The following NAV2 variants were observed in gnomAD, a reference collection of about 807,000 sequenced individuals.
The protein encoded by NAV2 is neuron navigator 2.
NAV2 carries 54 observed loss-of-function variants against 223.2 expected under a neutral mutation model. That is an observed-to-expected ratio of 0.24 (90% CI 0.19 to 0.30). The LOEUF (loss-of-function observed/expected upper bound fraction) is 0.30. Ranked by LOEUF, NAV2 falls within the 10% of genes least tolerant of loss-of-function variation. The pLI is 1.00. For missense variants in NAV2, 2,806 were observed against 3,147.5 expected (o/e 0.89, Z 2.60); for synonymous variants, 1,279 against 1,239.3 (o/e 1.03, Z -0.67).
intron 33 of NAV2, 92 bp from the exon 34 acceptor site, chr11:20,103,561 C>T (rs2061797282): frequency 2.0e-6 from 3 of 1,513,620 alleles, no homozygotes; most frequent in South Asian, 2.3e-5. Context: ...TGTCCACTGG[C>T]CTGGAAGCAC....
chr11:20,106,778 G>T (rs1288145919), intron 35 of NAV2, among the ~76,000 whole-genome samples: 1 of 151,154 alleles, frequency 6.6e-6, no homozygotes, highest in African/African-American at 2.4e-5. Flanking sequence ...AAGTAGCTGG[G>T]ATTACAGGTG....
intron 11 of NAV2, among the ~76,000 whole-genome samples, chr11:19,996,781 C>A (rs1168060739): frequency 6.6e-6 from 1 of 152,190 alleles, no homozygotes; most frequent in Non-Finnish European, 1.5e-5. Flanking sequence ...TTTGATTTAT[C>A]TTCCTCATTA....
At chr11:19,361,467 T>C (rs1044328919) in intron 1 of NAV2, among the ~76,000 whole-genome samples, 2 of 151,994 alleles carry the variant, frequency 1.3e-5, no homozygotes, top group African/African-American at 4.8e-5. Flanking sequence ...CTATCTAGCC[T>C]TTTGTGGGCA....
intron 1 of NAV2, among the ~76,000 whole-genome samples, chr11:19,776,599 TGTGTGTGTGG>T (rs1381402361): frequency 3.5e-5 from 5 of 142,322 alleles, no homozygotes; most frequent in Non-Finnish European, 7.8e-5. Flanking sequence ...TGTGTGTGTG[TGTGTGTGTGG>T]TTAGAGTTGT....
chr11:19,650,119 T>A (rs1487695509), intron 1 of NAV2, among the ~76,000 whole-genome samples: 1 of 152,254 alleles, frequency 6.6e-6, no homozygotes, highest in African/African-American at 2.4e-5. Flanking sequence ...CTGGCACCTG[T>A]GAATGTGACC....
chr11:19,402,289 C>T (rs1849719522), intron 1 of NAV2, among the ~76,000 whole-genome samples: 1 of 152,206 alleles, frequency 6.6e-6, no homozygotes, highest in Non-Finnish European at 1.5e-5. Flanking sequence ...ACTTATGTTT[C>T]TGTGCCTAAA....
At chr11:19,693,375 C>T (rs2049240379) in intron 1 of NAV2, among the ~76,000 whole-genome samples, 1 of 152,206 alleles carries the variant, frequency 6.6e-6, no homozygotes, top group Non-Finnish European at 1.5e-5. Flanking sequence ...CTATTTCTGT[C>T]TCCAACCAGG....
rs567637807 is a variant in NAV2 at position 19,578,367 on chromosome 11, G to T, written c.75+227340G>T. 7.2e-5 allele frequency among the ~76,000 whole-genome samples: 11 copies of T among 152,354 alleles called. No individual in the cohort carries two copies. In the East Asian group the frequency reaches 1.9e-3, roughly 27 times the overall value. On this transcript the variant is annotated intron_variant, in intron 1 of 37. Transcript: ENST00000360655. ...AGAAGGCTCTTGGCCACAGTCAGAG[G>T]TTAAGCCAGGCAGTTGCAGATGTCC...
chr11:19,779,721 G>A (rs2896583), intron 1 of NAV2, among the ~76,000 whole-genome samples: 89,682 of 152,106 alleles, frequency 0.59, 26,714 homozygotes, highest in East Asian at 0.84. Flanking sequence ...ATGTTTGTCT[G>A]TTAAATGGGA....
At chr11:19,921,325 A>G (rs2044257803) in intron 6 of NAV2, among the ~76,000 whole-genome samples, 1 of 152,210 alleles carries the variant, frequency 6.6e-6, no homozygotes, top group Non-Finnish European at 1.5e-5. Context: ...TCCTCCAGAG[A>G]AATATAATAA....
At chr11:20,070,009 T>C (rs551789488) in intron 22 of NAV2, among the ~76,000 whole-genome samples, 1 of 152,338 alleles carries the variant, frequency 6.6e-6, no homozygotes, top group East Asian at 1.9e-4. Flanking sequence ...TCTTTGATTT[T>C]TTTAAAAACC....
At chr11:20,058,882 A>T (rs779571088) in intron 19 of NAV2, among the ~76,000 whole-genome samples, 11 of 152,210 alleles carry the variant, frequency 7.2e-5, no homozygotes, top group Admixed American at 1.3e-4. Context: ...GTGCTCACTC[A>T]ATGGTAGCTA....
In NAV2 at chr11:20,081,698, A is replaced by G. The variant is rs932158489; in HGVS notation, c.5326-1309A>G. Among the ~76,000 whole-genome samples, 5 of 152,210 alleles carry G rather than the reference A, an allele frequency of 3.3e-5. No homozygotes were observed. In the South Asian group the frequency reaches 6.2e-4, roughly 19 times the overall value. ...CCACAAGCTGGACATGTGGTTTATT[A>G]TAGATGAAACCTGTTGATGGGAGAA... On this transcript the variant is annotated intron_variant, in intron 25 of 37. Coordinates refer to ENST00000349880, the MANE Select transcript of NAV2 (RefSeq NM_145117.5).
At chr11:19,646,299 G>A (rs1453539191) in intron 1 of NAV2, among the ~76,000 whole-genome samples, 2 of 152,212 alleles carry the variant, frequency 1.3e-5, no homozygotes, top group African/African-American at 4.8e-5. Flanking sequence ...CCAACCTTGA[G>A]GGGCTGCAGA....
intron 1 of NAV2, among the ~76,000 whole-genome samples, chr11:19,510,033 T>G (rs2043230713): frequency 6.6e-6 from 1 of 152,174 alleles, no homozygotes. Flanking sequence ...AACAGACTGT[T>G]CGATGAGATT....
chr11:19,636,381 A>C (rs2135528031), intron 1 of NAV2, among the ~76,000 whole-genome samples: 1 of 151,968 alleles, frequency 6.6e-6, no homozygotes, highest in African/African-American at 2.4e-5. Context: ...AGGGCTCATC[A>C]CTCTGGAAGG....
At chr11:20,085,837 A>G (rs540880830) in intron 26 of NAV2, among the ~76,000 whole-genome samples, 2 of 152,276 alleles carry the variant, frequency 1.3e-5, no homozygotes, top group African/African-American at 4.8e-5. Flanking sequence ...CCAGGCCTAG[A>G]AGAGGCTTAT....
chr11:19,403,153 C>G (rs185298293), intron 1 of NAV2, among the ~76,000 whole-genome samples: 4 of 152,272 alleles, frequency 2.6e-5, no homozygotes, highest in Non-Finnish European at 5.9e-5. Flanking sequence ...CAGTGACAGG[C>G]AAATAGGAAG....
In NAV2 at chr11:20,030,197, T is replaced by C. The variant is rs189143255; in HGVS notation, c.2769-5762T>C. ...TTTTGGAGCTGCTTTGAAAGTTTTA[T>C]TGTGTAGAGTGAAGGTGAACTGGAG... On this transcript the variant is annotated intron_variant, in intron 11 of 37. Transcript: ENST00000349880. 4.6e-5 allele frequency among the ~76,000 whole-genome samples: 7 copies of C among 152,282 alleles called. No individual in the cohort carries two copies. In the East Asian group the frequency reaches 9.6e-4, roughly 21 times the overall value.
Sources: gnomAD v4.1 joint callset for allele counts (sites outside exome capture counted in the v4.1 genomes callset) on GRCh38, gnomAD v4.1.1 for gene constraint, MANE v1.5 for transcripts, NCBI Gene and HGNC (gene_info 2026-07-23, HGNC 2026-07-21) for gene names.